Variants in MOXD1 observed in about 807,000 individuals in gnomAD.
The protein encoded by MOXD1 is DBH-like monooxygenase protein 1.
In MOXD1, 62 loss-of-function variants were observed where a neutral mutation model predicts 66.6. The ratio of observed to expected loss-of-function variants is 0.93; its 90% CI spans 0.76 to 1.15. The LOEUF (loss-of-function observed/expected upper bound fraction) is 1.15, where lower values mean the gene tolerates loss of function less well. MOXD1 is among the 50% of genes most tolerant of loss of function. The pLI is 0.00. For missense variants in MOXD1, 847 were observed against 754.6 expected (o/e 1.12, Z -1.44); for synonymous variants, 303 against 281.9 (o/e 1.07, Z -0.75).
At chr6:132,382,264 T>G (rs975507341) in intron 1 of MOXD1, among the ~76,000 whole-genome samples, 3 of 152,182 alleles carry the variant, frequency 2.0e-5, no homozygotes, top group East Asian at 3.9e-4. Context: ...TCTGTATAAA[T>G]TTTGTAAGAA....
intron 8 of MOXD1, among the ~76,000 whole-genome samples, chr6:132,321,309 T>C (rs1308504166): frequency 1.3e-5 from 2 of 152,082 alleles, no homozygotes; most frequent in Non-Finnish European, 1.5e-5. Context: ...ACGAGGAGAT[T>C]AAATGACATA....
At chr6:132,348,609 G>A (rs1295822538) in intron 4 of MOXD1, among the ~76,000 whole-genome samples, 1 of 152,056 alleles carries the variant, frequency 6.6e-6, no homozygotes, top group East Asian at 1.9e-4. Flanking sequence ...TAAAATGGAT[G>A]TACATATGAA....
chr6:132,339,629 G>A (rs975358542), intron 4 of MOXD1, among the ~76,000 whole-genome samples: 1 of 152,200 alleles, frequency 6.6e-6, no homozygotes, highest in Admixed American at 6.5e-5. Context: ...ACTTCCTTGG[G>A]TGGCCTAAGC....
chr6:132,377,959 C>T (rs1776428406), intron 1 of MOXD1, among the ~76,000 whole-genome samples: 1 of 152,006 alleles, frequency 6.6e-6, no homozygotes, highest in South Asian at 2.1e-4. Flanking sequence ...GAAACCCCGT[C>T]TCTACTAAAA....
chr6:132,350,271 G>A (rs1441485644), intron 4 of MOXD1, among the ~76,000 whole-genome samples: 2 of 152,180 alleles, frequency 1.3e-5, no homozygotes, highest in African/African-American at 4.8e-5. Context: ...TTAGATTTAA[G>A]TCCTTAATCC....
intron 8 of MOXD1, 69 bp downstream of exon 8, chr6:132,322,610 G>C (rs182842742): frequency 6.8e-7 from 1 of 1,474,046 alleles, no homozygotes; most frequent in Non-Finnish European, 9.2e-7. Context: ...TAGAAACCTT[G>C]CCACATCTCA....
At chr6:132,378,560 T>C (rs938438809) in intron 1 of MOXD1, among the ~76,000 whole-genome samples, 3 of 152,136 alleles carry the variant, frequency 2.0e-5, no homozygotes, top group African/African-American at 7.2e-5. Context: ...AAAATAGATG[T>C]AAATGAAATG....
In MOXD1 at chr6:132,401,395, C is replaced by T. The variant is rs756376934; in HGVS notation, c.32G>A (p.Gly11Glu). The change falls in exon 1 of 12, where the codon GGG becomes GAG. Residue 11 changes from glycine to glutamate, a missense_variant. By Grantham distance (98) the Gly-to-Glu change is moderately conservative. Transcript: ENST00000367963. MCCWPLLLLW[G>E]LLPGTAAGGS... ...CCCCGCCGCCGTCCCGGGGAGCAGC[C>T]CCCACAGCAGGAGCAGCGGCCAGCA... is the stretch of plus-strand genomic sequence containing the variant. 1 of 1,529,234 alleles carries T rather than the reference C, an allele frequency of 6.5e-7. No homozygotes were observed. The allele number at this position is 1,529,234 out of a possible 1,614,324, so 94.7% of individuals were successfully genotyped here.
chr6:132,347,632 G>T (rs1775693093), intron 4 of MOXD1, among the ~76,000 whole-genome samples: 1 of 151,502 alleles, frequency 6.6e-6, no homozygotes, highest in African/African-American at 2.4e-5. Context: ...AGCCAAGATT[G>T]TACCACTGCA....
Position 132,322,849 on chromosome 6 carries a change from T to C in MOXD1, c.1135A>G (p.Ser379Gly). 2 of 1,613,470 alleles carry C rather than the reference T, an allele frequency of 1.2e-6. No homozygotes were observed. Among genetic ancestry groups the C allele is most frequent in the Non-Finnish European group, 1.7e-6 (2 of 1,179,754 alleles). The change falls in exon 8 of 12, where the codon AGT becomes GGT. Residue 379 changes from serine (S) to glycine (G), a missense_variant. Coordinates refer to ENST00000367963, the MANE Select transcript of MOXD1 (RefSeq NM_015529.4). ...AGAACAGCAAACACATGAATTCCAC[T>C]TGGCTTTTCGGCTTCCAGAGCCTAC... is the stretch of plus-strand genomic sequence containing the variant. ...LEEALEAEKPSGIHVFAVLLH... is the reference protein window; with the variant it reads ...LEEALEAEKPGGIHVFAVLLH...
In MOXD1 at chr6:132,380,165, G is replaced by T. The variant is rs1342944272; in HGVS notation, c.265-5388C>A. 5.9e-5 allele frequency among the ~76,000 whole-genome samples: 9 copies of T among 152,174 alleles called. No individual in the cohort carries two copies. In the East Asian group the frequency reaches 1.3e-3, roughly 23 times the overall value. On this transcript the variant is annotated intron_variant, in intron 1 of 11. Transcript: ENST00000367963. ...CTTTTAGTTCTATTTCATTTTCACT[G>T]TTCCTATCTCCCACACTCCACGTTT... is the stretch of plus-strand genomic sequence containing the variant.
chr6:132,353,610 A>G (rs1775848972), intron 4 of MOXD1, among the ~76,000 whole-genome samples: 1 of 152,080 alleles, frequency 6.6e-6, no homozygotes, highest in Admixed American at 6.5e-5. Flanking sequence ...CCTTCATCTT[A>G]ACTTCATCAT....
chr6:132,301,014 T>C (rs1421934331), intron 10 of MOXD1, among the ~76,000 whole-genome samples: 16 of 152,248 alleles, frequency 1.1e-4, no homozygotes, highest in African/African-American at 3.1e-4. Flanking sequence ...TTATCCTGAA[T>C]ACTTTTTTTC....
intron 1 of MOXD1, among the ~76,000 whole-genome samples, chr6:132,393,575 A>C (rs967565459): frequency 7.9e-5 from 12 of 152,164 alleles, no homozygotes; most frequent in African/African-American, 2.7e-4. Flanking sequence ...CTGGACTCTC[A>C]TGGGCCCTGA....
At chr6:132,303,827 GTGTGTGTGTATATATATA>G (rs1562276340) in intron 10 of MOXD1, among the ~76,000 whole-genome samples, 3,626 of 98,838 alleles carry the variant, frequency 0.037, 60 homozygotes, top group Non-Finnish European at 0.051. Flanking sequence ...GTGTGTGTGT[GTGTGTGTGTATATATATA>G]TATATATATA....
chr6:132,353,177 T>C (rs1459940509), intron 4 of MOXD1, among the ~76,000 whole-genome samples: 1 of 152,172 alleles, frequency 6.6e-6, no homozygotes, highest in African/African-American at 2.4e-5. Flanking sequence ...TTGCATTCAT[T>C]GTGCTATTTG....
chr6:132,327,458 G>A (rs55777437), intron 6 of MOXD1, among the ~76,000 whole-genome samples: 13,422 of 152,080 alleles, frequency 0.088, 720 homozygotes, highest in South Asian at 0.22. Flanking sequence ...TGATAATTTC[G>A]TGTTAAATCT....
intron 4 of MOXD1, among the ~76,000 whole-genome samples, chr6:132,353,943 G>C (rs1775859439): frequency 6.6e-6 from 1 of 151,948 alleles, no homozygotes; most frequent in Non-Finnish European, 1.5e-5. Flanking sequence ...TCTTCTACTT[G>C]TTCAATTCTA....
chr6:132,365,492 G>C (rs1021805408), intron 4 of MOXD1, among the ~76,000 whole-genome samples: 3 of 152,168 alleles, frequency 2.0e-5, no homozygotes, highest in African/African-American at 7.2e-5. Flanking sequence ...ATATTTAGAA[G>C]TAGAAAGAGC....
Sources: allele counts gnomAD v4.1 joint callset (sites outside exome capture counted in the v4.1 genomes callset), GRCh38; gene constraint gnomAD v4.1.1; transcripts MANE v1.5; gene names NCBI Gene and HGNC (gene_info 2026-07-23, HGNC 2026-07-21).